JAML: variants seen among roughly 807,000 people sequenced by gnomAD.
JAML encodes junctional adhesion molecule-like.
A neutral mutation model predicts 39.3 loss-of-function variants in JAML; 25 were observed. The observed-to-expected ratio is 0.64, with a 90% CI of 0.46 to 0.89. The LOEUF (loss-of-function observed/expected upper bound fraction) is 0.89. Ranked by LOEUF, JAML falls within the 40% of genes least tolerant of loss-of-function variation. The probability of loss-of-function intolerance (pLI) is 0.00; values close to 1 mark genes in which losing one functional copy is unlikely to be tolerated. For missense variants in JAML, 440 were observed against 486.9 expected, an observed-to-expected ratio of 0.90 and a Z score of 0.91; for synonymous variants, 162 against 179.2, an observed-to-expected ratio of 0.90 and a Z score of 0.77.
At chr11:118,206,266 G>A (rs1029075532) in intron 4 of JAML, among the ~76,000 whole-genome samples, 2 of 152,130 alleles carry the variant, frequency 1.3e-5, no homozygotes, top group African/African-American at 4.8e-5. Context: ...CCAAGCCTGA[G>A]GGTTTCTGCT....
At chr11:118,220,569 G>A (rs1565486288) in intron 1 of JAML, among the ~76,000 whole-genome samples, 1 of 152,206 alleles carries the variant, frequency 6.6e-6, no homozygotes, top group Non-Finnish European at 1.5e-5. Flanking sequence ...ATACAGCGTG[G>A]TCCCTATGCA....
intron 4 of JAML, chr11:118,209,168 G>C: frequency 3.3e-6 from 1 of 300,590 alleles, no homozygotes; most frequent in Non-Finnish European, 6.6e-6. Flanking sequence ...TTTGGTTACA[G>C]TCTCAGCTGC....
At chr11:118,211,806 G>C (rs1007829834) in intron 3 of JAML, among the ~76,000 whole-genome samples, 2 of 152,120 alleles carry the variant, frequency 1.3e-5, no homozygotes, top group African/African-American at 4.8e-5. Context: ...ACTCCAAAGA[G>C]CTCCATGAAA....
At position 118,194,158 on chromosome 11, in the gene JAML, A is replaced by G. The variant is rs1304143911; in HGVS notation, c.*167T>C. On this transcript the variant is annotated 3_prime_UTR_variant, in exon 10 of 10. Transcript: ENST00000356289. ...CAGGCCTGTTCCTCCAGAGCTGTCC[A>G]GTCTCTCTGCCAGGCTCCAAATTCT... The G allele has an allele frequency of 1.6e-6, 1 of 634,138 alleles. No individual in the cohort carries two copies. The highest frequency in any genetic ancestry group is 2.8e-6 in the Non-Finnish European group (1 of 351,222). 39.3% of individuals were successfully genotyped at this position (634,138 alleles called of 1,614,324 possible). A position where few individuals can be genotyped will look rare whatever the true frequency, so the allele number is the denominator to read the frequency against.
chr11:118,205,888 G>A lies in JAML; in HGVS notation c.528C>T (p.Arg176=), dbSNP rs762252806. 34 of 1,613,462 alleles carry A rather than the reference G, an allele frequency of 2.1e-5. No individual in the cohort carries two copies. Among genetic ancestry groups the A allele is most frequent in the Admixed American group, 1.3e-4 (8 of 59,984 alleles). The change falls in exon 5 of 10, where the codon CGC becomes CGT. Residue 176 remains arginine, a synonymous_variant. Transcript: ENST00000356289. ...GATGTTTCCTCCTTGTTACCTTTGC[G>A]CGCCGTCCTGAAAATATCCATTCTA... is the stretch of plus-strand genomic sequence containing the variant. The part of the protein sequence containing the change: ...TKVEWIFSGR[R]AKEEIVFRYY...
At chr11:118,199,816 C>T (rs1305483452) in intron 7 of JAML, among the ~76,000 whole-genome samples, 2 of 151,476 alleles carry the variant, frequency 1.3e-5, no homozygotes, top group Non-Finnish European at 2.9e-5. Flanking sequence ...CCTGCCTCAG[C>T]CTCCCAAGTA....
At chr11:118,197,940 T>C (rs1489136571) in intron 8 of JAML, 58 bp downstream of exon 8, 1 of 1,479,686 alleles carries the variant, frequency 6.8e-7, no homozygotes, top group Non-Finnish European at 9.4e-7. Flanking sequence ...TTCCCGGGGG[T>C]ATGAGAACGG....
chr11:118,214,784 G>A lies in JAML; in HGVS notation c.43+40C>T, dbSNP rs760747542. 12 of 1,604,408 alleles carry A rather than the reference G, an allele frequency of 7.5e-6. No individual in the cohort carries two copies. The East Asian group carries it at 2.7e-4, about 36-fold the overall frequency. On this transcript the variant is annotated intron_variant, in intron 2 of 9. Coordinates refer to ENST00000356289, the MANE Select transcript of JAML (RefSeq NM_001098526.2). ...TTTTAATAATGCACAGAACTCAGGA[G>A]AAATCAAATACCCCACGGAGTCCCT...
At chr11:118,199,649 A>G (rs530990129) in intron 7 of JAML, among the ~76,000 whole-genome samples, 1 of 151,764 alleles carries the variant, frequency 6.6e-6, no homozygotes, top group East Asian at 1.9e-4. Flanking sequence ...TGGGAGAACT[A>G]CCGATGAAAT....
Position 118,205,961 on chromosome 11 carries a change from T to A in JAML, c.455A>T (p.Gln152Leu). ...ELMVHVGGLI[Q>L]MGCVFQSTEV... is the part of the protein sequence containing the mutation. Reference sequence around the variant, plus strand: ...TGTGCTCTGGAAAACACATCCCATCTGAATCAATCCACCCACATGGACCAT... The same window carrying A: ...TGTGCTCTGGAAAACACATCCCATCAGAATCAATCCACCCACATGGACCAT... The change falls in exon 5 of 10, where the codon CAG (glutamine) becomes CTG (leucine). Residue 152 changes from glutamine (Q) to leucine (L), a missense_variant. Physicochemically the swap from Gln to Leu is moderately radical, Grantham distance 113 (BLOSUM62 -2). Transcript: ENST00000356289. The A allele has an allele frequency of 6.2e-7, 1 of 1,614,120 alleles. No individual in the cohort carries two copies. Among genetic ancestry groups the A allele is most frequent in the Admixed American group, 1.7e-5 (1 of 60,022 alleles).
intron 5 of JAML, chr11:118,205,223 A>C (rs1193453720): frequency 6.6e-6 from 1 of 152,262 alleles, no homozygotes; most frequent in Admixed American, 6.5e-5. Flanking sequence ...AAATTTTGCA[A>C]CTTAACTTTT....
chr11:118,207,493 G>C (rs186900517), intron 4 of JAML, among the ~76,000 whole-genome samples: 3 of 152,278 alleles, frequency 2.0e-5, no homozygotes, highest in Admixed American at 1.3e-4. Flanking sequence ...TGATTCTAGA[G>C]CAAAAGTAGA....
intron 9 of JAML, 98 bp downstream of exon 9, chr11:118,196,637 G>A (rs113414072): frequency 2.0e-5 from 19 of 946,942 alleles, no homozygotes; most frequent in African/African-American, 9.8e-5. Flanking sequence ...AAAAATCACC[G>A]CCCTCAGCAG....
intron 4 of JAML, among the ~76,000 whole-genome samples, chr11:118,209,927 C>T (rs1246061698): frequency 1.3e-5 from 2 of 151,752 alleles, no homozygotes; most frequent in Non-Finnish European, 2.9e-5. Context: ...TGCAGTGGTG[C>T]CATCATAGCT....
At chr11:118,210,350 G>C (rs1949022133) in intron 4 of JAML, 137 bp downstream of exon 4, 2 of 618,492 alleles carry the variant, frequency 3.2e-6, no homozygotes, top group African/African-American at 3.7e-5. Flanking sequence ...AAATAATTAT[G>C]ATCATTTTTT....
chr11:118,211,605 A>G (rs1949060883), intron 3 of JAML, among the ~76,000 whole-genome samples: 1 of 152,236 alleles, frequency 6.6e-6, no homozygotes. Context: ...ATAAAGGCCA[A>G]TAAAAATTTG....
At chr11:118,200,412 T>C (rs980795292) in intron 7 of JAML, 62 bp downstream of exon 7, 3 of 1,585,758 alleles carry the variant, frequency 1.9e-6, no homozygotes, top group East Asian at 4.5e-5. Flanking sequence ...TGTTCTACTT[T>C]GGGGTAGAGG....
chr11:118,196,468 T>C (rs569747024), intron 9 of JAML, among the ~76,000 whole-genome samples: 1 of 152,294 alleles, frequency 6.6e-6, no homozygotes, highest in Non-Finnish European at 1.5e-5. Context: ...GCAAAAGACG[T>C]CCTCCCTGCC....
intron 7 of JAML, 95 bp from the exon 8 acceptor site, chr11:118,198,186 G>A: frequency 9.9e-7 from 1 of 1,012,786 alleles, no homozygotes; most frequent in Admixed American, 1.9e-5. Context: ...TGAAGAGAGA[G>A]ACACCAGAGA....
Sources: allele counts gnomAD v4.1 joint callset (sites outside exome capture counted in the v4.1 genomes callset), GRCh38; gene constraint gnomAD v4.1.1; transcripts MANE v1.5; gene names NCBI Gene and HGNC (gene_info 2026-07-23, HGNC 2026-07-21).